Variants in NAALADL2 observed in about 807,000 individuals in gnomAD.
NAALADL2 encodes the protein N-acetylated alpha-linked acidic dipeptidase like 2.
Under a neutral mutation model 87.2 loss-of-function variants are expected in NAALADL2, and 76 were observed. The observed-to-expected ratio is 0.87, with a 90% confidence interval of 0.72 to 1.05. The LOEUF (loss-of-function observed/expected upper bound fraction) is 1.05. NAALADL2 is among the 50% of genes least tolerant of loss of function. NAALADL2 has a pLI of 0.00. For synonymous variants in NAALADL2, 354 were observed against 331.0 expected (o/e 1.07, Z -0.75); for missense variants, 1,089 against 945.8 (o/e 1.15, Z -1.99).
At chr3:175,232,065 T>A (rs1199407490) in intron 2 of NAALADL2, among the ~76,000 whole-genome samples, 1 of 151,616 alleles carries the variant, frequency 6.6e-6, no homozygotes, top group Non-Finnish European at 1.5e-5. Context: ...AAAATTTAGG[T>A]GGCACTGTTG....
In NAALADL2 at chr3:175,369,000, G is replaced by A. The variant is rs546262829; in HGVS notation, c.1090+44675G>A. Among the ~76,000 whole-genome samples the A allele has an allele frequency of 5.3e-5, 8 of 152,286 alleles. No individual in the cohort carries two copies. The East Asian group carries it at 1.5e-3, about 29-fold the overall frequency. ...ATCTGTGAATGAGCAGTGAGCAAAT[G>A]TGAAGGCCTAAGACGTTACTATGCA... On this transcript the variant is annotated intron_variant, in intron 5 of 13. Transcript: ENST00000454872.
intron 9 of NAALADL2, among the ~76,000 whole-genome samples, chr3:175,541,782 G>A (rs1399309948): frequency 6.6e-6 from 1 of 152,074 alleles, no homozygotes; most frequent in Non-Finnish European, 1.5e-5. Context: ...GAGTGCAGTG[G>A]CATGATCTCA....
chr3:175,520,789 G>A (rs1732544913), intron 9 of NAALADL2, among the ~76,000 whole-genome samples: 1 of 152,156 alleles, frequency 6.6e-6, no homozygotes, highest in African/African-American at 2.4e-5. Flanking sequence ...AAATTAAGGA[G>A]ATATAACAAG....
intron 2 of NAALADL2, among the ~76,000 whole-genome samples, chr3:174,603,518 A>G (rs1444278365): frequency 6.6e-6 from 1 of 151,786 alleles, no homozygotes; most frequent in South Asian, 2.1e-4. Flanking sequence ...GTCTGGCTAT[A>G]AGTTTATCAA....
At chr3:175,310,786 A>G (rs1050493936) in intron 4 of NAALADL2, among the ~76,000 whole-genome samples, 1 of 152,070 alleles carries the variant, frequency 6.6e-6, no homozygotes, top group African/African-American at 2.4e-5. Flanking sequence ...ACGATTACAT[A>G]TATAAGCACT....
chr3:174,844,480 G>C (rs534975152), intron 3 of NAALADL2, among the ~76,000 whole-genome samples: 1 of 152,018 alleles, frequency 6.6e-6, no homozygotes, highest in Admixed American at 6.6e-5. Context: ...GGCTATTTGA[G>C]GTCTTTGTGG....
intron 1 of NAALADL2, among the ~76,000 whole-genome samples, chr3:174,545,531 G>T (rs945005083): frequency 2.0e-5 from 3 of 152,136 alleles, no homozygotes; most frequent in Non-Finnish European, 4.4e-5. Context: ...TTGTTATCTT[G>T]TGGTATTTCT....
intron 2 of NAALADL2, among the ~76,000 whole-genome samples, chr3:174,641,873 C>G (rs987387208): frequency 2.0e-5 from 3 of 152,152 alleles, no homozygotes; most frequent in Non-Finnish European, 2.9e-5. Context: ...CCTCCCACCT[C>G]AGGCTCCTGA....
At chr3:175,579,385 C>A (rs1310949067) in intron 10 of NAALADL2, among the ~76,000 whole-genome samples, 3 of 152,090 alleles carry the variant, frequency 2.0e-5, no homozygotes, top group African/African-American at 4.8e-5. Context: ...TAATATCTAT[C>A]CCCAATATTT....
chr3:174,514,389 T>C (rs1263179685), intron 1 of NAALADL2, among the ~76,000 whole-genome samples: 1 of 152,148 alleles, frequency 6.6e-6, no homozygotes, highest in Admixed American at 6.5e-5. Flanking sequence ...TAAAAAGCCA[T>C]ATGAAAAATA....
rs947658905 is a variant in NAALADL2 at position 175,732,626 on chromosome 3, G to A, written c.1897-4680G>A. The stretch of plus-strand genomic sequence containing the variant: ...GAACTTCCGAGAACATCCTCATCGT[G>A]TGCTTTGAGAAACACAGAAGTGTTG... On this transcript the variant is annotated intron_variant, in intron 11 of 13. Coordinates refer to ENST00000454872, the MANE Select transcript of NAALADL2 (RefSeq NM_207015.3). 3.9e-5 allele frequency among the ~76,000 whole-genome samples: 6 copies of A among 152,106 alleles called. No homozygotes were observed. The South Asian group carries it at 6.2e-4, about 16-fold the overall frequency.
At chr3:175,415,393 A>G (rs1238042851) in intron 5 of NAALADL2, among the ~76,000 whole-genome samples, 1 of 152,202 alleles carries the variant, frequency 6.6e-6, no homozygotes, top group African/African-American at 2.4e-5. Flanking sequence ...AACTCGGTTA[A>G]GCTGCATGGT....
At chr3:175,688,689 A>T (rs891297083) in intron 11 of NAALADL2, among the ~76,000 whole-genome samples, 2 of 152,036 alleles carry the variant, frequency 1.3e-5, no homozygotes, top group African/African-American at 4.8e-5. Flanking sequence ...AGGAGGGTGG[A>T]TGGAGGGGAA....
intron 3 of NAALADL2, among the ~76,000 whole-genome samples, chr3:174,757,972 T>A (rs994062739): frequency 6.6e-6 from 1 of 152,240 alleles, no homozygotes; most frequent in African/African-American, 2.4e-5. Context: ...ATTTTAACTT[T>A]TGTTTTCCAG....
intron 1 of NAALADL2, among the ~76,000 whole-genome samples, chr3:174,993,194 G>A (rs1746974038): frequency 6.6e-6 from 1 of 152,044 alleles, no homozygotes; most frequent in Non-Finnish European, 1.5e-5. Flanking sequence ...AAATGGAATA[G>A]TAAGAGCCGT....
intron 4 of NAALADL2, among the ~76,000 whole-genome samples, chr3:175,314,504 A>C (rs946223633): frequency 7.2e-6 from 1 of 139,826 alleles, no homozygotes; most frequent in Non-Finnish European, 1.5e-5. Flanking sequence ...CATTTAATTA[A>C]ATGTATTGTG....
intron 2 of NAALADL2, among the ~76,000 whole-genome samples, chr3:174,644,903 T>A (rs1487699857): frequency 6.6e-6 from 1 of 152,240 alleles, no homozygotes; most frequent in Non-Finnish European, 1.5e-5. Context: ...AAATTCTGTT[T>A]AAAAATTATT....
At chr3:175,025,240 A>G (rs1001610422) in intron 1 of NAALADL2, among the ~76,000 whole-genome samples, 1 of 152,028 alleles carries the variant, frequency 6.6e-6, no homozygotes, top group Non-Finnish European at 1.5e-5. Context: ...CAGCAGGCAT[A>G]TGAAAAAAAA....
chr3:174,907,423 G>T (rs1372107066), intron 1 of NAALADL2, among the ~76,000 whole-genome samples: 1 of 152,184 alleles, frequency 6.6e-6, no homozygotes, highest in East Asian at 1.9e-4. Flanking sequence ...AGAGATGGGT[G>T]ATATGTAGCC....
Sources: allele counts gnomAD v4.1 joint callset (sites outside exome capture counted in the v4.1 genomes callset), GRCh38; gene constraint gnomAD v4.1.1; transcripts MANE v1.5; gene names NCBI Gene and HGNC (gene_info 2026-07-23, HGNC 2026-07-21).